The following FAM83G variants were observed in gnomAD, a reference collection of about 807,000 sequenced individuals.
FAM83G encodes scaffolding CK1 anchoring protein G, also known as protein FAM83G.
FAM83G carries 38 observed loss-of-function variants against 61.5 expected under a neutral mutation model. The observed-to-expected ratio is 0.62, with a 90% CI of 0.48 to 0.81. The LOEUF is 0.81. Among genes scored for constraint, FAM83G ranks in the 30% least tolerant of loss-of-function variants. The probability of loss-of-function intolerance (pLI) is 0.00; values close to 1 mark genes in which losing one functional copy is unlikely to be tolerated. For missense variants in FAM83G, 989 were observed against 1,133.6 expected (o/e 0.87, Z 1.83); for synonymous variants, 470 against 476.1 (o/e 0.99, Z 0.17).
At chr17:19,002,063 G>A (rs1409739602) in intron 2 of FAM83G, among the ~76,000 whole-genome samples, 1 of 152,136 alleles carries the variant, frequency 6.6e-6, no homozygotes, top group Non-Finnish European at 1.5e-5. Context: ...CCACACCACA[G>A]CAGGTGTGGG....
intron 2 of FAM83G, among the ~76,000 whole-genome samples, chr17:18,989,488 A>G (rs2043356822): frequency 6.6e-6 from 1 of 152,236 alleles, no homozygotes; most frequent in Admixed American, 6.5e-5. Context: ...AAACTCCAGC[A>G]GAGGGGAGGG....
At position 18,979,282 on chromosome 17, in the gene FAM83G, C is replaced by T. The variant is rs544665347; in HGVS notation, c.815+267G>A. ...CCCTAAGGACGGCTCTCAGAGTGAC[C>T]CCCATAGGCTTGCGAAGGCACGGCC... On this transcript the variant is annotated intron_variant, in intron 4 of 5. Coordinates refer to ENST00000388995, the MANE Select transcript of FAM83G (RefSeq NM_001039999.3). 1.9e-3 allele frequency: 970 copies of T among 515,154 alleles called. 22 individuals are homozygous for T. The South Asian group carries it at 0.022, about 12-fold the overall frequency. The allele number at this position is 515,154 out of a possible 1,614,324, so 31.9% of individuals were successfully genotyped here. A position where few individuals can be genotyped will look rare whatever the true frequency, so the allele number is the denominator to read the frequency against.
intron 4 of FAM83G, chr17:18,979,338 T>A (rs1323564744): frequency 1.6e-6 from 1 of 642,192 alleles, no homozygotes; most frequent in Non-Finnish European, 2.6e-6. Flanking sequence ...GCCGGTGACA[T>A]CTCCAAGCTG....
chr17:18,998,651 G>C (rs544081538), intron 2 of FAM83G, among the ~76,000 whole-genome samples: 1 of 152,340 alleles, frequency 6.6e-6, no homozygotes, highest in East Asian at 1.9e-4. Context: ...TCCTCGAAGG[G>C]CTGCTCCCGG....
chr17:19,000,613 C>T lies in FAM83G; in HGVS notation c.522+2907G>A, dbSNP rs533994030. Reference sequence around the variant, plus strand: ...ACGACAGGTAAGGTGAGTGAGGAGGCGGAAGGCTGGGCTGTCCTGACTCAG... The same window carrying T: ...ACGACAGGTAAGGTGAGTGAGGAGGTGGAAGGCTGGGCTGTCCTGACTCAG... On this transcript the variant is annotated intron_variant, in intron 2 of 5. Coordinates refer to ENST00000388995, the MANE Select transcript of FAM83G (RefSeq NM_001039999.3). This position sits in a 1 kb window ranked among gnomAD's most constrained non-coding sequence, Gnocchi z 5.2. Among the ~76,000 whole-genome samples the T allele has an allele frequency of 6.6e-6, 1 of 152,124 alleles. No homozygotes were observed. The highest frequency in any genetic ancestry group is 2.1e-4 in the South Asian group (1 of 4,834).
intron 2 of FAM83G, 144 bp from the exon 3 acceptor site, chr17:18,988,558 A>C: frequency 7.2e-7 from 1 of 1,380,290 alleles, no homozygotes; most frequent in Non-Finnish European, 9.7e-7. Flanking sequence ...CAGGCCCGGG[A>C]CCAGGAAGTG....
rs764979739 is a variant in FAM83G at position 19,004,076 on chromosome 17, G to C, written c.-35C>G. 20 of 1,550,564 alleles carry C rather than the reference G, an allele frequency of 1.3e-5. No homozygotes were observed. Among genetic ancestry groups the C allele is most frequent in the African/African-American group, 2.7e-5 (2 of 73,182 alleles). On this transcript the variant is annotated 5_prime_UTR_variant, in exon 2 of 6. Coordinates refer to ENST00000388995, the MANE Select transcript of FAM83G (RefSeq NM_001039999.3). The surrounding 1 kb of genome is among the most constrained non-coding windows in gnomAD (Gnocchi z 5.4). ...TGCCCGGGCACTGCTGCCGGGGGTG[G>C]GTGGGCAAGGTCCAGCTCCTAGCTC...
rs371100508 is a variant in FAM83G, at chr17:19,003,852, G to A, written c.190C>T (p.Leu64Phe). ...NIRDFLSELE[L>F]KRILETIEVY... Reference sequence around the variant, plus strand: ...TCGATGGTCTCCAGGATGCGCTTGAGCTCCAGCTCCGAGAGGAAGTCTCGG... The same window carrying A: ...TCGATGGTCTCCAGGATGCGCTTGAACTCCAGCTCCGAGAGGAAGTCTCGG... Residue 64 changes from leucine (L) to phenylalanine (F), a missense_variant, in exon 2 of 6, where the codon CTC becomes TTC. This residue lies in a region of FAM83G where 371 missense variants were observed against 404.5 expected (regional missense o/e 0.92). Transcript: ENST00000388995. The surrounding 1 kb of genome is among the most constrained non-coding windows in gnomAD (Gnocchi z 4.5). 56 of 1,612,932 alleles carry A rather than the reference G, an allele frequency of 3.5e-5. No individual in the cohort carries two copies. Among genetic ancestry groups the A allele is most frequent in the Non-Finnish European group, 4.6e-5 (54 of 1,179,940 alleles).
In FAM83G at chr17:18,977,729, C is replaced by A. The variant is rs758772623; in HGVS notation, c.1937G>T (p.Arg646Leu). 2.5e-6 allele frequency: 4 copies of A among 1,607,548 alleles called. No homozygotes were observed. Among genetic ancestry groups the A allele is most frequent in the Non-Finnish European group, 3.4e-6 (4 of 1,177,814 alleles). Residue 646 changes from arginine to leucine, a missense_variant, in exon 5 of 6, where the codon CGC becomes CTC. Around this residue, in one of 3 missense-constraint regions of FAM83G, gnomAD observed 574 missense variants for 645.1 expected, o/e 0.89. Transcript: ENST00000388995. ...QVANGPTPPP[R>L]RQLSAPHITR... Reference sequence around the variant, plus strand: ...TATATGGGGGGCACTCAGCTGCCGGCGCGGTGGTGGGGTTGGCCCGTTGGC... The same window carrying A: ...TATATGGGGGGCACTCAGCTGCCGGAGCGGTGGTGGGGTTGGCCCGTTGGC...
chr17:18,969,295 CT>C lies in FAM83G; in HGVS notation c.*2063del. The C allele has an allele frequency of 1.2e-6, 2 of 1,600,388 alleles. No individual in the cohort carries two copies. Among genetic ancestry groups the C allele is most frequent in the Non-Finnish European group, 1.7e-6 (2 of 1,170,822 alleles). ...CCAGAAGTTCCTCCCCGTGTCCCTC[CT>C]CCCTGGGGCCAGGGCCCCCTCCAGC... On this transcript the variant is annotated 3_prime_UTR_variant, in exon 6 of 6. Coordinates refer to ENST00000388995, the MANE Select transcript of FAM83G (RefSeq NM_001039999.3).
At chr17:18,976,615 A>G in intron 5 of FAM83G, 1 of 538,632 alleles carries the variant, frequency 1.9e-6, no homozygotes, top group Non-Finnish European at 3.3e-6. Context: ...TTGACAGGTC[A>G]GGGGACTGAG....
At position 18,971,275 on chromosome 17, in the gene FAM83G, T is replaced by A; in HGVS notation, c.*84A>T. ...TTCCTGCCGTCCCAGTGGGCTCTGG[T>A]AGGCCCAGGCGGCCTGTCTGCCCTC... On this transcript the variant is annotated 3_prime_UTR_variant, in exon 6 of 6. Transcript: ENST00000388995. This position sits in a 1 kb window ranked among gnomAD's most constrained non-coding sequence, Gnocchi z 5.5. 1 of 1,610,840 alleles carries A rather than the reference T, an allele frequency of 6.2e-7. No individual in the cohort carries two copies. Among genetic ancestry groups the A allele is most frequent in the South Asian group, 1.1e-5 (1 of 91,016 alleles).
Position 18,977,995 on chromosome 17 carries a change from C to T in FAM83G, c.1671G>A (p.Gln557=). ...AGPGHAPLQR[Q]LSVTQDDPES... ...CGGGGTCATCCTGGGTCACAGATAG[C>T]TGCCGCTGGAGTGGGGCGTGGCCTG... is the stretch of plus-strand genomic sequence containing the variant. Residue 557 remains glutamine, a synonymous_variant, in exon 5 of 6, where the codon CAG becomes CAA. Coordinates refer to ENST00000388995, the MANE Select transcript of FAM83G (RefSeq NM_001039999.3). The T allele has an allele frequency of 1.3e-6, 2 of 1,569,762 alleles. No individual in the cohort carries two copies. The highest frequency in any genetic ancestry group is 1.7e-6 in the Non-Finnish European group (2 of 1,157,032).
chr17:18,979,696 G>T, intron 3 of FAM83G, 23 bp from the exon 4 acceptor site: 1 of 1,611,956 alleles, frequency 6.2e-7, no homozygotes, highest in Non-Finnish European at 8.5e-7. Flanking sequence ...CCAAGAGACA[G>T]AATTACACGA....
rs2042784392 is a variant in FAM83G at position 18,969,463 on chromosome 17, A to G, written c.*1896T>C. ...GTGGCCATGGCGGGGCTGTCCCCAC[A>G]GCGAGCCCTTTGGAGTCTGGCACTG... On this transcript the variant is annotated 3_prime_UTR_variant, in exon 6 of 6. Transcript: ENST00000388995. 6.3e-7 allele frequency: 1 copy of G among 1,584,452 alleles called. No individual in the cohort carries two copies.
rs112661054 is a variant in FAM83G, at chr17:18,986,918, G to A, written c.690+1329C>T. On this transcript the variant is annotated intron_variant, in intron 3 of 5. Transcript: ENST00000388995. ...GCATGAGCTATCTGCCACTGGAATC[G>A]ATTCCCAGCACTAATTACGCGGCGG... 1.9e-3 allele frequency among the ~76,000 whole-genome samples: 284 copies of A among 152,340 alleles called. 1 individual carries two copies. The highest frequency in any genetic ancestry group is 6.5e-3 in the African/African-American group (269 of 41,582).
rs761079286 is a variant in FAM83G at position 19,003,630 on chromosome 17, T to C, written c.412A>G (p.Thr138Ala). Residue 138 changes from threonine to alanine, a missense_variant, in exon 2 of 6, where the codon ACC (threonine) becomes GCC (alanine). Transcript: ENST00000388995. The surrounding 1 kb of genome is among the most constrained non-coding windows in gnomAD (Gnocchi z 4.5). ...CGGGTCACGCCGCGGTAGGCGATGG[T>C]GTCGGGCCAGCCCAGGTCCAGCTGC... Reference protein sequence around the residue: ...IPQLDLGWPDTIAYRGVTRAS... With the variant: ...IPQLDLGWPDAIAYRGVTRAS... 6.2e-7 allele frequency: 1 copy of C among 1,612,320 alleles called. No homozygotes were observed. The highest frequency in any genetic ancestry group is 8.5e-7 in the Non-Finnish European group (1 of 1,179,540).
At chr17:18,990,961 G>A (rs190047485) in intron 2 of FAM83G, among the ~76,000 whole-genome samples, 191 of 152,332 alleles carry the variant, frequency 1.3e-3, no homozygotes, top group African/African-American at 4.4e-3. Flanking sequence ...CCCACCCAGA[G>A]CACCTTCTGC....
In FAM83G at chr17:18,971,693, C is replaced by T. The variant is rs565352380; in HGVS notation, c.2138G>A (p.Gly713Asp). The part of the protein sequence containing the change: ...VPASGTRDKD[G>D]FPGPPRYRSA... Reference sequence around the variant, plus strand: ...GCGGTACCTAGGGGGTCCTGGGAAGCCGTCTTTATCCCTAGTCCCTGAGGC... The same window carrying T: ...GCGGTACCTAGGGGGTCCTGGGAAGTCGTCTTTATCCCTAGTCCCTGAGGC... Residue 713 changes from glycine to aspartate, a missense_variant, in exon 6 of 6, where the codon GGC (glycine) becomes GAC (aspartate). By Grantham distance (94) the Gly-to-Asp change is moderately conservative. This residue lies in a region of FAM83G where 574 missense variants were observed against 645.1 expected (regional missense o/e 0.89). Transcript: ENST00000388995. This position sits in a 1 kb window ranked among gnomAD's most constrained non-coding sequence, Gnocchi z 5.5. 2.0e-5 allele frequency: 32 copies of T among 1,605,296 alleles called. No individual in the cohort carries two copies. The highest frequency in any genetic ancestry group is 3.3e-5 in the South Asian group (3 of 90,564).
Sources: allele counts gnomAD v4.1 joint callset (sites outside exome capture counted in the v4.1 genomes callset), GRCh38; gene constraint gnomAD v4.1.1; regional missense constraint gnomAD v4.1.1; non-coding constraint Gnocchi (gnomAD v3.1); transcripts MANE v1.5; gene names NCBI Gene and HGNC (gene_info 2026-07-23, HGNC 2026-07-21).